GALNT2: variants seen among roughly 807,000 people sequenced by gnomAD.
GALNT2 encodes the protein polypeptide N-acetylgalactosaminyltransferase 2.
A neutral mutation model predicts 81.4 loss-of-function variants in GALNT2; 31 were observed. The observed-to-expected ratio is 0.38, with a 90% CI of 0.29 to 0.51. The LOEUF (loss-of-function observed/expected upper bound fraction) is 0.51. Ranked by LOEUF, GALNT2 falls within the 20% of genes least tolerant of loss-of-function variation. GALNT2 has a pLI of 0.87. For missense variants in GALNT2, 629 were observed against 765.7 expected (o/e 0.82, Z 2.11); for synonymous variants, 303 against 287.4 (o/e 1.05, Z -0.55).
intron 2 of GALNT2, among the ~76,000 whole-genome samples, chr1:230,198,347 G>T (rs12041984): frequency 0.29 from 33,363 of 113,812 alleles, 2,957 homozygotes; most frequent in Admixed American, 0.38. Context: ...ACGAGGAGTG[G>T]CAGGGGCAGG....
In GALNT2 at chr1:230,193,592, T is replaced by TA. The variant is rs1663596937; in HGVS notation, c.221-9545_221-9544insA. Among the ~76,000 whole-genome samples, 1 of 151,988 alleles carries TA rather than the reference T, an allele frequency of 6.6e-6. No homozygotes were observed. The highest frequency in any genetic ancestry group is 1.5e-5 in the Non-Finnish European group (1 of 67,978). Reference sequence around the variant, plus strand: ...GTTTTATAGGTTTCTGTCATCTTTTTTTTTTCAAATATAAGGTTTAGTAAA... The same window carrying TA: ...GTTTTATAGGTTTCTGTCATCTTTTTATTTTTCAAATATAAGGTTTAGTAAA... On this transcript the variant is annotated intron_variant, in intron 2 of 15. Transcript: ENST00000366672. The surrounding 1 kb of genome is among the most constrained non-coding windows in gnomAD (Gnocchi z 4.3).
At chr1:230,150,799 A>T (rs1662073064) in intron 1 of GALNT2, among the ~76,000 whole-genome samples, 1 of 152,226 alleles carries the variant, frequency 6.6e-6, no homozygotes, top group African/African-American at 2.4e-5. Context: ...TTTGGCGTTC[A>T]GAATGGGGGC....
At position 230,060,871 on chromosome 1, in the gene GALNT2, A is replaced by C. The variant is rs183618332; in HGVS notation, n.89+2793A>C. Reference sequence around the variant, plus strand: ...AGATTTAGCCAGTGGGGCCCCTTCAAGCTGGCTCCTATGTCCTTTTAACAT... The same window carrying C: ...AGATTTAGCCAGTGGGGCCCCTTCACGCTGGCTCCTATGTCCTTTTAACAT... On this transcript the variant is annotated intron_variant and non_coding_transcript_variant, in intron 1 of 6. Coordinates refer to the GALNT2 transcript ENST00000494106. Among the ~76,000 whole-genome samples, 35 of 152,268 alleles carry C rather than the reference A, an allele frequency of 2.3e-4. No individual in the cohort carries two copies. The East Asian group carries it at 6.6e-3, about 29-fold the overall frequency.
chr1:230,164,032 G>A (rs2102849964), intron 1 of GALNT2, among the ~76,000 whole-genome samples: 1 of 152,228 alleles, frequency 6.6e-6, no homozygotes, highest in South Asian at 2.1e-4. Flanking sequence ...TTTTGGGAGG[G>A]TCTCAGTTTT....
intron 3 of GALNT2, among the ~76,000 whole-genome samples, chr1:230,208,484 G>A (rs1051078990): frequency 6.6e-6 from 1 of 152,210 alleles, no homozygotes. Flanking sequence ...TGGGATATGT[G>A]TCTGGTGTTC....
chr1:230,102,725 G>T (rs758782227), intron 1 of GALNT2, among the ~76,000 whole-genome samples: 4 of 152,072 alleles, frequency 2.6e-5, no homozygotes, highest in African/African-American at 9.7e-5. Flanking sequence ...AAAAAAAAGC[G>T]AACAGATTAA....
chr1:230,155,367 G>C (rs960989924), intron 1 of GALNT2, among the ~76,000 whole-genome samples: 1 of 152,166 alleles, frequency 6.6e-6, no homozygotes, highest in Admixed American at 6.5e-5. Flanking sequence ...GGGAGAGACC[G>C]GCCTCTCCCT....
intron 1 of GALNT2, among the ~76,000 whole-genome samples, chr1:230,174,769 C>A (rs1000452188): frequency 1.7e-4 from 26 of 152,164 alleles, no homozygotes; most frequent in African/African-American, 6.0e-4. Flanking sequence ...ACCTTATAGC[C>A]ATAGTGATAT....
intron 10 of GALNT2, 151 bp downstream of exon 10, chr1:230,250,711 C>G (rs1665519018): frequency 1.8e-6 from 1 of 564,214 alleles, no homozygotes; most frequent in Admixed American, 3.4e-5. Flanking sequence ...ACCCCTTTTG[C>G]TCTTGAAAGT....
Position 230,092,185 on chromosome 1 carries a change from T to TGTTTTTTTTTTTTTTG in GALNT2, c.126+24779_126+24780insGTTTTTTTTTTTTTTG, listed in dbSNP as rs371156205. Among the ~76,000 whole-genome samples, 188 of 114,266 alleles carry TGTTTTTTTTTTTTTTG rather than the reference T, an allele frequency of 1.6e-3. 3 individuals are homozygous for TGTTTTTTTTTTTTTTG. Among genetic ancestry groups the TGTTTTTTTTTTTTTTG allele is most frequent in the South Asian group, 9.0e-3 (30 of 3,340 alleles). 75.0% of individuals were successfully genotyped at this position (114,266 alleles called of 152,430 possible). On this transcript the variant is annotated intron_variant, in intron 1 of 15. Coordinates refer to ENST00000366672, the MANE Select transcript of GALNT2 (RefSeq NM_004481.5). The stretch of plus-strand genomic sequence containing the variant: ...ACCTTATATTCCTTTAGTTTTTTTT[T>TGTTTTTTTTTTTTTTG]TTTTTTTTTTTGCACTGATCTTTCT...
At position 230,203,245 on chromosome 1, in the gene GALNT2, A is replaced by T; in HGVS notation, c.329A>T (p.Asp110Val). 6.2e-7 allele frequency: 1 copy of T among 1,614,210 alleles called. No homozygotes were observed. The highest frequency in any genetic ancestry group is 8.5e-7 in the Non-Finnish European group (1 of 1,180,036). ...ARNKFNQVES[D>V]KLRMDRAIPD... The stretch of plus-strand genomic sequence containing the variant: ...AACAAGTTCAACCAGGTGGAGAGTG[A>T]TAAGCTTCGAATGGACAGAGCCATC... The change falls in exon 3 of 16, where the codon GAT becomes GTT. Residue 110 changes from aspartate (D) to valine (V), a missense_variant. Asp to Val is a radical substitution (Grantham distance 152). Coordinates refer to ENST00000366672, the MANE Select transcript of GALNT2 (RefSeq NM_004481.5).
At chr1:230,183,699 G>A (rs1272540645) in intron 2 of GALNT2, among the ~76,000 whole-genome samples, 1 of 152,072 alleles carries the variant, frequency 6.6e-6, no homozygotes, top group East Asian at 1.9e-4. Context: ...AAAAATAGGC[G>A]AGGAGCAGTG....
chr1:230,059,383 A>C (rs1658991292), intron 1 of GALNT2, among the ~76,000 whole-genome samples: 1 of 152,248 alleles, frequency 6.6e-6, no homozygotes, highest in Non-Finnish European at 1.5e-5. Context: ...CTAGGGGCTG[A>C]CAAAAGGCAA....
chr1:230,130,233 A>G (rs565017959), intron 1 of GALNT2, among the ~76,000 whole-genome samples: 1 of 152,074 alleles, frequency 6.6e-6, no homozygotes, highest in South Asian at 2.1e-4. Context: ...AAACCTCTCT[A>G]ATTGCCTCAC....
At chr1:230,244,516 C>T (rs1665305830) in intron 7 of GALNT2, among the ~76,000 whole-genome samples, 1 of 148,662 alleles carries the variant, frequency 6.7e-6, no homozygotes, top group Non-Finnish European at 1.5e-5. Context: ...CCTGGCTACG[C>T]TCCGCCAGGC....
At chr1:230,102,819 A>C (rs1660439020) in intron 1 of GALNT2, among the ~76,000 whole-genome samples, 1 of 152,214 alleles carries the variant, frequency 6.6e-6, no homozygotes, top group African/African-American at 2.4e-5. Context: ...GAAAGGTTGA[A>C]GATGTCCAGT....
At chr1:230,247,739 G>A (rs1456081566) in intron 8 of GALNT2, among the ~76,000 whole-genome samples, 8 of 152,062 alleles carry the variant, frequency 5.3e-5, no homozygotes, top group Non-Finnish European at 1.2e-4. Context: ...TCAGAGGAAC[G>A]GGGCCACGTT....
chr1:230,096,611 A>G (rs998730763), intron 1 of GALNT2, among the ~76,000 whole-genome samples: 1 of 152,064 alleles, frequency 6.6e-6, no homozygotes, highest in Non-Finnish European at 1.5e-5. Context: ...TTCTCAATTC[A>G]TAATTAATTT....
intron 3 of GALNT2, among the ~76,000 whole-genome samples, chr1:230,214,309 A>C (rs1344763698): frequency 2.0e-5 from 3 of 152,050 alleles, no homozygotes; most frequent in African/African-American, 7.2e-5. Flanking sequence ...ACTAGGCTTC[A>C]CCATGTTGGC....
Sources: gnomAD v4.1 joint callset for allele counts (sites outside exome capture counted in the v4.1 genomes callset) on GRCh38, gnomAD v4.1.1 for gene constraint, Gnocchi (gnomAD v3.1) non-coding constraint, MANE v1.5 for transcripts, NCBI Gene and HGNC (gene_info 2026-07-23, HGNC 2026-07-21) for gene names.